The following PTPN22 variants were observed in gnomAD, a reference collection of about 807,000 sequenced individuals.
PTPN22 encodes protein tyrosine phosphatase non-receptor type 22.
In PTPN22, 85 loss-of-function variants were observed where a neutral mutation model predicts 103.3. The observed-to-expected ratio is 0.82, with a 90% confidence interval of 0.69 to 0.99. PTPN22 has a LOEUF of 0.99. PTPN22 is among the 50% of genes least tolerant of loss of function. The pLI is 0.00. For synonymous variants in PTPN22, 323 were observed against 310.2 expected (o/e 1.04, Z -0.43); for missense variants, 865 against 936.9 (o/e 0.92, Z 1.00).
At chr1:113,831,217 G>C (rs954084468) in intron 16 of PTPN22, among the ~76,000 whole-genome samples, 12 of 152,028 alleles carry the variant, frequency 7.9e-5, no homozygotes, top group Non-Finnish European at 1.3e-4. Context: ...AAATTCCTCT[G>C]CCTAACTTTG....
At chr1:113,865,097 G>C (rs1230620166) in intron 1 of PTPN22, among the ~76,000 whole-genome samples, 2 of 152,136 alleles carry the variant, frequency 1.3e-5, no homozygotes, top group African/African-American at 2.4e-5. Context: ...CATTTTAAAA[G>C]GTTCTTTGGG....
At chr1:113,861,361 T>A (rs1057028366) in intron 1 of PTPN22, among the ~76,000 whole-genome samples, 2 of 152,074 alleles carry the variant, frequency 1.3e-5, no homozygotes, top group African/African-American at 4.8e-5. Flanking sequence ...ATGCCTCAGC[T>A]TCCAAAGTAG....
chr1:113,854,515 C>T, exon 9 of PTPN22: 3 of 1,613,950 alleles, frequency 1.9e-6, no homozygotes, highest in Non-Finnish European at 2.5e-6. Flanking sequence ...GCACAAATAA[C>T]ACCAGTCCTT....
chr1:113,829,349 C>T (rs766585553), intron 18 of PTPN22, among the ~76,000 whole-genome samples: 1 of 151,942 alleles, frequency 6.6e-6, no homozygotes, highest in Non-Finnish European at 1.5e-5. Flanking sequence ...AATTTTGTCA[C>T]CCAGGTAATA....
chr1:113,856,124 C>G (rs1267651581), intron 7 of PTPN22, among the ~76,000 whole-genome samples: 1 of 152,306 alleles, frequency 6.6e-6, no homozygotes, highest in Non-Finnish European at 1.5e-5. Flanking sequence ...AATGATTTCT[C>G]CTGCCTAAGC....
intron 11 of PTPN22, 51 bp downstream of exon 11, chr1:113,848,489 C>A: frequency 6.2e-7 from 1 of 1,606,424 alleles, no homozygotes; most frequent in South Asian, 1.1e-5. Flanking sequence ...ATCCCTTGAC[C>A]AAAAGCAAGT....
At chr1:113,849,889 A>G (rs958059517) in intron 10 of PTPN22, among the ~76,000 whole-genome samples, 16 of 152,076 alleles carry the variant, frequency 1.1e-4, no homozygotes, top group African/African-American at 3.9e-4. Flanking sequence ...ACATCTGGCT[A>G]ATTTCTTTAA....
At chr1:113,827,475 T>C (rs1461967631) in intron 18 of PTPN22, among the ~76,000 whole-genome samples, 2 of 152,112 alleles carry the variant, frequency 1.3e-5, no homozygotes, top group African/African-American at 2.4e-5. Flanking sequence ...AAATTATATA[T>C]AAATATATTG....
intron 7 of PTPN22, among the ~76,000 whole-genome samples, 169 bp from the exon 8 acceptor site, chr1:113,855,218 G>C (rs1664940468): frequency 6.6e-6 from 1 of 152,118 alleles, no homozygotes; most frequent in Non-Finnish European, 1.5e-5. Context: ...GTTGAGGCTG[G>C]GTGTGGTGGC....
intron 20 of PTPN22, among the ~76,000 whole-genome samples, chr1:113,818,845 A>G (rs1661365166): frequency 6.6e-6 from 1 of 152,168 alleles, no homozygotes; most frequent in Non-Finnish European, 1.5e-5. Context: ...TTTTCTTGCC[A>G]CCTACAGTCT....
chr1:113,856,577 G>T (rs375906179), exon 6 of PTPN22: 1 of 1,614,158 alleles, frequency 6.2e-7, no homozygotes, highest in Non-Finnish European at 8.5e-7. Context: ...CCAAATTCCA[G>T]CTGCATCTCT....
intron 17 of PTPN22, 46 bp downstream of exon 17, chr1:113,829,903 C>T: frequency 6.7e-7 from 1 of 1,493,158 alleles, no homozygotes; most frequent in Non-Finnish European, 9.3e-7. Flanking sequence ...AATCTTTTAA[C>T]ATTTTCATTT....
chr1:113,850,812 A>T (rs1664508374), intron 10 of PTPN22, among the ~76,000 whole-genome samples: 1 of 152,308 alleles, frequency 6.6e-6, no homozygotes, highest in East Asian at 1.9e-4. Context: ...CTCTAAAACT[A>T]TTTGCATCTT....
intron 20 of PTPN22, among the ~76,000 whole-genome samples, chr1:113,817,253 A>G (rs916806383): frequency 6.6e-6 from 1 of 152,222 alleles, no homozygotes; most frequent in Non-Finnish European, 1.5e-5. Flanking sequence ...TTAGGAATGC[A>G]TATATTTGAT....
At chr1:113,838,145 A>G (rs1357967107) in exon 13 of PTPN22, 3 of 1,614,018 alleles carry the variant, frequency 1.9e-6, no homozygotes, top group African/African-American at 2.7e-5. Flanking sequence ...AACAAAAGAG[A>G]GCCCAAATCC....
chr1:113,820,174 C>T (rs1329666581), intron 19 of PTPN22, among the ~76,000 whole-genome samples: 3 of 152,102 alleles, frequency 2.0e-5, no homozygotes, highest in Non-Finnish European at 4.4e-5. Context: ...AGGCCCATAA[C>T]CGGGCACGGT....
chr1:113,848,505 A>C (rs1334735592), intron 11 of PTPN22, 35 bp downstream of exon 11: 1 of 1,608,270 alleles, frequency 6.2e-7, no homozygotes, highest in Non-Finnish European at 8.5e-7. Flanking sequence ...CAAGTATGAA[A>C]ATTTTTTTGA....
chr1:113,829,944 C>T lies in PTPN22; in HGVS notation c.2134+5G>A, dbSNP rs955116222. On this transcript the variant is annotated splice_donor_5th_base_variant and intron_variant, in intron 17 of 20. Transcript: ENST00000359785. ...ATTTTTTTGAGAGAAAGTGCTACCA[C>T]TTACAATCTTCATCGGCAAGAAAGA... 6.3e-7 allele frequency: 1 copy of T among 1,587,050 alleles called. No individual in the cohort carries two copies. The highest frequency in any genetic ancestry group is 1.3e-5 in the African/African-American group (1 of 74,164).
chr1:113,825,086 A>G, intron 19 of PTPN22, 56 bp downstream of exon 19: 1 of 1,260,900 alleles, frequency 7.9e-7, no homozygotes. Context: ...TTGGTTATAT[A>G]AATAAAAATT....
Sources: allele counts gnomAD v4.1 joint callset (sites outside exome capture counted in the v4.1 genomes callset), GRCh38; gene constraint gnomAD v4.1.1; transcripts MANE v1.5; gene names NCBI Gene and HGNC (gene_info 2026-07-23, HGNC 2026-07-21).